Variants in KRT24 observed in about 807,000 individuals in gnomAD.
The protein encoded by KRT24 is keratin, type I cytoskeletal 24.
KRT24 carries 44 observed loss-of-function variants against 51.7 expected under a neutral mutation model. That is an observed-to-expected ratio of 0.85 (90% CI 0.67 to 1.09). The LOEUF (loss-of-function observed/expected upper bound fraction) is 1.09. Ranked by LOEUF, KRT24 falls within the 50% of genes least tolerant of loss-of-function variation. The pLI, the probability that KRT24 is intolerant of heterozygous loss-of-function variation, is 0.00. For missense variants in KRT24, 633 were observed against 647.0 expected (o/e 0.98, Z 0.24); for synonymous variants, 241 against 249.5 (o/e 0.97, Z 0.32).
At position 40,703,739 on chromosome 17, in the gene KRT24, A is replaced by G. The variant is rs951127343; in HGVS notation, c.-46T>C. The G allele has an allele frequency of 5.3e-6, 8 of 1,512,358 alleles. No individual in the cohort carries two copies. The highest frequency in any genetic ancestry group is 4.6e-5 in the East Asian group (2 of 43,696). 93.7% of individuals were successfully genotyped at this position (1,512,358 alleles called of 1,614,324 possible). ...CTTGTCCAGGCGAATAGGAGAGGTG[A>G]TGACGAAGAGTGTATTCAAGGCTGC... On this transcript the variant is annotated 5_prime_UTR_variant, in exon 1 of 8. Coordinates refer to ENST00000264651, the MANE Select transcript of KRT24 (RefSeq NM_019016.3).
In KRT24 at chr17:40,701,435, G is replaced by T; in HGVS notation, c.699-139C>A. On this transcript the variant is annotated intron_variant, in intron 2 of 7. Coordinates refer to ENST00000264651, the MANE Select transcript of KRT24 (RefSeq NM_019016.3). Reference sequence around the variant, plus strand: ...AATAAAGGTTATTAAGTTTTCTCTTGGGAAATTTTCCCTTGTAAAGAAAAA... The same window carrying T: ...AATAAAGGTTATTAAGTTTTCTCTTTGGAAATTTTCCCTTGTAAAGAAAAA... 4 of 573,712 alleles carry T rather than the reference G, an allele frequency of 7.0e-6. No individual in the cohort carries two copies. In the South Asian group the frequency reaches 1.4e-4, roughly 20 times the overall value. 35.5% of individuals were successfully genotyped at this position (573,712 alleles called of 1,614,324 possible).
Position 40,698,540 on chromosome 17 carries a change from C to T in KRT24, c.1472G>A (p.Arg491Gln), listed in dbSNP as rs201911699. 9 of 1,565,596 alleles carry T rather than the reference C, an allele frequency of 5.7e-6. No homozygotes were observed. The highest frequency in any genetic ancestry group is 2.2e-5 in the East Asian group (1 of 44,694). The change falls in exon 7 of 8, where the codon CGA becomes CAA. Residue 491 changes from arginine (R) to glutamine (Q), a missense_variant and splice_region_variant. Physicochemically the swap from Arg to Gln is conservative, Grantham distance 43. Coordinates refer to ENST00000264651, the MANE Select transcript of KRT24 (RefSeq NM_019016.3). The stretch of plus-strand genomic sequence containing the variant: ...TATCAATATTAAAAAAAGTCTACCT[C>T]GTCCTTGACCAGAACAGCTTCCAGA... The part of the protein sequence containing the change: ...SRSGSCSGQG[R>Q]DSSKTRVTKT...
At position 40,701,284 on chromosome 17, in the gene KRT24, C is replaced by T; in HGVS notation, c.711G>A (p.Glu237=). ...ADDFRLKYEN[E]LCLRQSVEAD... ...CCTCCACGCTCTGCCGGAGACACAG[C>T]TCGTTCTCATACCTGGAAGGGGCAG... is the stretch of plus-strand genomic sequence containing the variant. The change falls in exon 3 of 8, where the codon GAG becomes GAA. Residue 237 remains glutamate, a synonymous_variant. Transcript: ENST00000264651. 4 of 1,613,172 alleles carry T rather than the reference C, an allele frequency of 2.5e-6. No individual in the cohort carries two copies. The highest frequency in any genetic ancestry group is 3.4e-6 in the Non-Finnish European group (4 of 1,179,668).
In KRT24 at chr17:40,698,314, T is replaced by C. The variant is rs773482199; in HGVS notation, c.1501A>G (p.Thr501Ala). The change falls in exon 8 of 8, where the codon ACT becomes GCT. Residue 501 changes from threonine to alanine, a missense_variant. By Grantham distance (58) the Thr-to-Ala change is moderately conservative. Coordinates refer to ENST00000264651, the MANE Select transcript of KRT24 (RefSeq NM_019016.3). Reference protein sequence around the residue: ...RDSSKTRVTKTIVEELVDGKV... With the variant: ...RDSSKTRVTKAIVEELVDGKV... ...CCATCCACCAACTCCTCTACGATAGTCTTAGTCACTCTAGTCTTGCTTGAA... is the reference window on the plus strand; with the variant it reads ...CCATCCACCAACTCCTCTACGATAGCCTTAGTCACTCTAGTCTTGCTTGAA... 2 of 1,611,744 alleles carry C rather than the reference T, an allele frequency of 1.2e-6. No individual in the cohort carries two copies. Among genetic ancestry groups the C allele is most frequent in the Non-Finnish European group, 8.5e-7 (1 of 1,178,012 alleles).
rs1453915334 is a variant in KRT24, at chr17:40,703,698, C to T, written c.-5G>A. 1.9e-6 allele frequency: 3 copies of T among 1,548,242 alleles called. No individual in the cohort carries two copies. The Admixed American group carries it at 6.0e-5, about 31-fold the overall frequency. Reference sequence around the variant, plus strand: ...GGCGCGAGACGAGCAAGACATGGTGCTCCTGCAAACATGAGCTTGTCCAGG... The same window carrying T: ...GGCGCGAGACGAGCAAGACATGGTGTTCCTGCAAACATGAGCTTGTCCAGG... On this transcript the variant is annotated 5_prime_UTR_variant, in exon 1 of 8. Coordinates refer to ENST00000264651, the MANE Select transcript of KRT24 (RefSeq NM_019016.3).
chr17:40,703,741 G>T lies in KRT24; in HGVS notation c.-48C>A. Reference sequence around the variant, plus strand: ...TGTCCAGGCGAATAGGAGAGGTGATGACGAAGAGTGTATTCAAGGCTGCCT... The same window carrying T: ...TGTCCAGGCGAATAGGAGAGGTGATTACGAAGAGTGTATTCAAGGCTGCCT... On this transcript the variant is annotated 5_prime_UTR_variant, in exon 1 of 8. Coordinates refer to ENST00000264651, the MANE Select transcript of KRT24 (RefSeq NM_019016.3). The T allele has an allele frequency of 6.6e-7, 1 of 1,504,828 alleles. No homozygotes were observed. The highest frequency in any genetic ancestry group is 1.4e-5 in the South Asian group (1 of 73,832). The allele number at this position is 1,504,828 out of a possible 1,614,324, so 93.2% of individuals were successfully genotyped here.
rs758526447 is a variant in KRT24 at position 40,703,222 on chromosome 17, C to A, written c.472G>T (p.Val158Phe). Residue 158 changes from valine to phenylalanine, a missense_variant, in exon 1 of 8, where the codon GTC becomes TTC. Val to Phe is a conservative substitution (Grantham distance 50). Coordinates refer to ENST00000264651, the MANE Select transcript of KRT24 (RefSeq NM_019016.3). The part of the protein sequence containing the change: ...NDRLANYLDK[V>F]RALEEANTDL... ...GTGTTAGCCTCCTCCAGGGCTCTGA[C>A]CTTGTCTAGGTAATTGGCCAAGCGG... 3 of 1,614,004 alleles carry A rather than the reference C, an allele frequency of 1.9e-6. No individual in the cohort carries two copies. Among genetic ancestry groups the A allele is most frequent in the South Asian group, 1.1e-5 (1 of 91,088 alleles).
At chr17:40,702,336 C>T (rs1398592849) in intron 1 of KRT24, among the ~76,000 whole-genome samples, 1 of 152,054 alleles carries the variant, frequency 6.6e-6, no homozygotes, top group Admixed American at 6.6e-5. Flanking sequence ...CCACCGTGCC[C>T]GGCCTGTGCT....
At position 40,701,210 on chromosome 17, in the gene KRT24, C is replaced by G. The variant is rs1416659242; in HGVS notation, c.785G>C (p.Arg262Pro). The G allele has an allele frequency of 6.2e-7, 1 of 1,613,876 alleles. No homozygotes were observed. The highest frequency in any genetic ancestry group is 1.3e-5 in the African/African-American group (1 of 74,882). ...CTCAATCTGCATCTCCAGGTCAGAG[C>G]GGGTCATAGTCAGGTCATCCAGGAC... The part of the protein sequence containing the change: ...RKVLDDLTMT[R>P]SDLEMQIESF... The change falls in exon 3 of 8, where the codon CGC becomes CCC. Residue 262 changes from arginine (R) to proline (P), a missense_variant. Physicochemically the swap from Arg to Pro is moderately radical, Grantham distance 103. Coordinates refer to ENST00000264651, the MANE Select transcript of KRT24 (RefSeq NM_019016.3).
chr17:40,702,568 T>C (rs995873729), intron 1 of KRT24, among the ~76,000 whole-genome samples: 3 of 152,218 alleles, frequency 2.0e-5, no homozygotes, highest in Non-Finnish European at 4.4e-5. Flanking sequence ...ATGAGCTTTT[T>C]CAGAAAATAG....
intron 1 of KRT24, among the ~76,000 whole-genome samples, chr17:40,702,247 G>T (rs549697326): frequency 2.0e-5 from 3 of 152,034 alleles, no homozygotes; most frequent in Non-Finnish European, 2.9e-5. Flanking sequence ...CACCATGTTG[G>T]CCAGGCTAAT....
At chr17:40,702,376 A>G (rs2037694152) in intron 1 of KRT24, among the ~76,000 whole-genome samples, 2 of 152,148 alleles carry the variant, frequency 1.3e-5, no homozygotes, top group Admixed American at 6.5e-5. Context: ...TTGCTTTGCA[A>G]ACTTACTTAG....
intron 6 of KRT24, among the ~76,000 whole-genome samples, chr17:40,698,997 C>T (rs2037641956): frequency 6.6e-6 from 1 of 152,004 alleles, no homozygotes; most frequent in Admixed American, 6.5e-5. Flanking sequence ...CCGCCTCAGT[C>T]CCCTGAGTAG....
At position 40,700,236 on chromosome 17, in the gene KRT24, G is replaced by A. The variant is rs370798217; in HGVS notation, c.1003C>T (p.Arg335Trp). The A allele has an allele frequency of 1.6e-5, 26 of 1,614,048 alleles. 1 individual carries two copies. The highest frequency in any genetic ancestry group is 3.3e-4 in the Middle Eastern group (2 of 6,062). The change falls in exon 4 of 8, where the codon CGG becomes TGG. Residue 335 changes from arginine to tryptophan, a missense_variant. Coordinates refer to ENST00000264651, the MANE Select transcript of KRT24 (RefSeq NM_019016.3). ...AEQNRREAEE[R>W]FNKQSASLQA... ...AGAGGATCTACCTGCTTGTTGAACC[G>A]CTCCTCAGCCTCTCGGCGGTTTTGC...
Position 40,703,435 on chromosome 17 carries a change from A to G in KRT24, c.259T>C (p.Phe87Leu). 5.2e-6 allele frequency: 8 copies of G among 1,543,780 alleles called. No homozygotes were observed. Among genetic ancestry groups the G allele is most frequent in the Non-Finnish European group, 7.1e-6 (8 of 1,122,494 alleles). The change falls in exon 1 of 8, where the codon TTT (phenylalanine) becomes CTT (leucine). Residue 87 changes from phenylalanine (F) to leucine (L), a missense_variant. Phe to Leu is a conservative substitution (Grantham distance 22). Transcript: ENST00000264651. Reference sequence around the variant, plus strand: ...CCGCCAAAGCTAGAACCCCCACCAAATCCTGTCCCAGAGCCTGAAGCTCCC... The same window carrying G: ...CCGCCAAAGCTAGAACCCCCACCAAGTCCTGTCCCAGAGCCTGAAGCTCCC... ...FGGASGSGTGFGGGSSFGGVS... is the reference protein window; with the variant it reads ...FGGASGSGTGLGGGSSFGGVS...
intron 2 of KRT24, among the ~76,000 whole-genome samples, 199 bp from the exon 3 acceptor site, chr17:40,701,495 A>G (rs2037676779): frequency 1.3e-5 from 2 of 152,010 alleles, no homozygotes; most frequent in Non-Finnish European, 1.5e-5. Context: ...CATGTCTAAC[A>G]TTTTTAATAA....
Position 40,703,623 on chromosome 17 carries a change from CCACCAGCAGA to C in KRT24, c.61_70del (p.Ser21GlufsTer29). On this transcript the variant is annotated frameshift_variant, in exon 1 of 8. Transcript: ENST00000264651. LOFTEE classifies it high-confidence loss of function. ...TCTGCTTCCACTGCTGAAGCTGCTT[CCACCAGCAGA>C]CACCCTGGCTGAGCTGCTGCCTCCA... 1 of 1,611,586 alleles carries C rather than the reference CCACCAGCAGA, an allele frequency of 6.2e-7. No homozygotes were observed. The highest frequency in any genetic ancestry group is 8.5e-7 in the Non-Finnish European group (1 of 1,178,896).
Position 40,703,003 on chromosome 17 carries a change from T to C in KRT24, c.615+76A>G, listed in dbSNP as rs371204682. ...TATGTTTTCAAATAATTTCTTAAAA[T>C]TTTCATTATAGTACATGATCTGAAA... On this transcript the variant is annotated intron_variant, in intron 1 of 7. Coordinates refer to ENST00000264651, the MANE Select transcript of KRT24 (RefSeq NM_019016.3). 138 of 1,445,162 alleles carry C rather than the reference T, an allele frequency of 9.5e-5. No homozygotes were observed. In the African/African-American group the frequency reaches 1.9e-3, roughly 19 times the overall value. The allele number at this position is 1,445,162 out of a possible 1,614,324, so 89.5% of individuals were successfully genotyped here. A position where few individuals can be genotyped will look rare whatever the true frequency, so the allele number is the denominator to read the frequency against.
intron 6 of KRT24, 45 bp downstream of exon 6, chr17:40,699,399 A>T (rs748093729): frequency 1.3e-6 from 2 of 1,512,178 alleles, no homozygotes; most frequent in East Asian, 4.5e-5. Flanking sequence ...TATAAAATAA[A>T]TTCACTAAGG....
Sources: gnomAD v4.1 joint callset for allele counts (sites outside exome capture counted in the v4.1 genomes callset) on GRCh38, gnomAD v4.1.1 for gene constraint, MANE v1.5 for transcripts, NCBI Gene and HGNC (gene_info 2026-07-23, HGNC 2026-07-21) for gene names.